The following GNA14 variants were observed in gnomAD, a reference collection of about 807,000 sequenced individuals.
GNA14 encodes G protein subunit alpha 14.
GNA14 carries 50 observed loss-of-function variants against 42.0 expected under a neutral mutation model. The observed-to-expected ratio is 1.19, with a 90% CI of 0.95 to 1.51. GNA14 has a LOEUF of 1.51. Ranked by LOEUF, GNA14 falls within the 40% of genes most tolerant of loss-of-function variation. The pLI, the probability that GNA14 is intolerant of heterozygous loss-of-function variation, is 0.00. For synonymous variants in GNA14, 173 were observed against 163.1 expected (o/e 1.06, Z -0.46); for missense variants, 473 against 446.2 (o/e 1.06, Z -0.54).
intron 1 of GNA14, among the ~76,000 whole-genome samples, chr9:77,638,990 C>T (rs1824219915): frequency 6.6e-6 from 1 of 152,146 alleles, no homozygotes; most frequent in Non-Finnish European, 1.5e-5. Flanking sequence ...ATATTAAATA[C>T]ACCTTAATAT....
chr9:77,469,753 A>G (rs1836296557), intron 2 of GNA14, among the ~76,000 whole-genome samples: 2 of 152,310 alleles, frequency 1.3e-5, no homozygotes, highest in Non-Finnish European at 2.9e-5. Context: ...ACAGAAGGCT[A>G]TAAAGAGACA....
chr9:77,549,002 C>G (rs1380491906), intron 1 of GNA14, among the ~76,000 whole-genome samples: 2 of 151,780 alleles, frequency 1.3e-5, no homozygotes, highest in Non-Finnish European at 2.9e-5. Context: ...TGCAATGGCA[C>G]AATCTAGGCC....
chr9:77,646,410 A>C (rs1289460617), intron 1 of GNA14, among the ~76,000 whole-genome samples: 1 of 151,580 alleles, frequency 6.6e-6, no homozygotes, highest in East Asian at 1.9e-4. Context: ...GGACCTACAG[A>C]CTTCCAGCTC....
intron 2 of GNA14, among the ~76,000 whole-genome samples, chr9:77,469,589 A>G (rs950714488): frequency 1.3e-5 from 2 of 152,074 alleles, no homozygotes; most frequent in Non-Finnish European, 2.9e-5. Flanking sequence ...TTGGGTGGAC[A>G]ACCCTAACTT....
chr9:77,607,002 C>T (rs571745365), intron 1 of GNA14, among the ~76,000 whole-genome samples: 2 of 152,170 alleles, frequency 1.3e-5, no homozygotes, highest in African/African-American at 4.8e-5. Flanking sequence ...CACCAGAACC[C>T]GAATATGGTG....
At chr9:77,435,890 C>A (rs1835632777) in intron 2 of GNA14, among the ~76,000 whole-genome samples, 1 of 152,092 alleles carries the variant, frequency 6.6e-6, no homozygotes, top group Non-Finnish European at 1.5e-5. Flanking sequence ...GGCTCTTATT[C>A]CCCCTCCCAT....
intron 2 of GNA14, among the ~76,000 whole-genome samples, chr9:77,528,302 G>A (rs1431725259): frequency 6.6e-5 from 10 of 151,892 alleles, no homozygotes. Context: ...TTATCATCAT[G>A]TCATGTTGTA....
intron 2 of GNA14, among the ~76,000 whole-genome samples, chr9:77,482,750 A>G (rs1042833542): frequency 1.3e-5 from 2 of 151,944 alleles, no homozygotes; most frequent in Non-Finnish European, 1.5e-5. Context: ...GGCTTTGTTC[A>G]TTTCTTTTTA....
In GNA14 at chr9:77,468,706, C is replaced by T. The variant is rs778458123; in HGVS notation, c.310-34184G>A. Among the ~76,000 whole-genome samples, 86 of 152,202 alleles carry T rather than the reference C, an allele frequency of 5.7e-4. 1 individual carries two copies. Among genetic ancestry groups the T allele is most frequent in the Non-Finnish European group, 1.9e-4 (13 of 68,038 alleles). On this transcript the variant is annotated intron_variant, in intron 2 of 6. Coordinates refer to ENST00000341700, the MANE Select transcript of GNA14 (RefSeq NM_004297.4). Reference sequence around the variant, plus strand: ...TAATTGCTGCTGCGTGCTTCTCTATCTTCTCTTCTCTGTTGCAACAAATCC... The same window carrying T: ...TAATTGCTGCTGCGTGCTTCTCTATTTTCTCTTCTCTGTTGCAACAAATCC...
intron 2 of GNA14, among the ~76,000 whole-genome samples, chr9:77,476,732 GA>G (rs1836431737): frequency 1.3e-5 from 2 of 152,212 alleles, no homozygotes; most frequent in African/African-American, 4.8e-5. Flanking sequence ...GAAAATTTGA[GA>G]AAATGGAAAA....
chr9:77,521,125 T>C (rs1023361074), intron 2 of GNA14, among the ~76,000 whole-genome samples: 2 of 152,242 alleles, frequency 1.3e-5, no homozygotes, highest in African/African-American at 4.8e-5. Flanking sequence ...GAAAAGCTCC[T>C]GCCTAGAATT....
chr9:77,620,286 C>T (rs1823899709), intron 1 of GNA14, among the ~76,000 whole-genome samples: 1 of 152,202 alleles, frequency 6.6e-6, no homozygotes. Flanking sequence ...TCACCATGCA[C>T]ATTAGAAGCC....
chr9:77,496,617 A>C (rs1344313513), intron 2 of GNA14, among the ~76,000 whole-genome samples: 2 of 152,238 alleles, frequency 1.3e-5, no homozygotes, highest in African/African-American at 2.4e-5. Context: ...GGATCTGCCA[A>C]GAAAGAAGCA....
intron 1 of GNA14, among the ~76,000 whole-genome samples, chr9:77,565,934 A>G (rs761393469): frequency 1.3e-5 from 2 of 152,138 alleles, no homozygotes; most frequent in Non-Finnish European, 2.9e-5. Context: ...GTTGTTCTCA[A>G]TGGGATGCTA....
At chr9:77,481,543 G>C (rs1369443140) in intron 2 of GNA14, among the ~76,000 whole-genome samples, 2 of 152,184 alleles carry the variant, frequency 1.3e-5, no homozygotes, top group Admixed American at 6.5e-5. Context: ...GGGGTGGAGA[G>C]TTCTGTAGAT....
At chr9:77,429,508 C>T (rs1352172021) in intron 4 of GNA14, among the ~76,000 whole-genome samples, 1 of 152,204 alleles carries the variant, frequency 6.6e-6, no homozygotes, top group African/African-American at 2.4e-5. Context: ...CTGGATGCCA[C>T]CTCTTGTTCC....
chr9:77,496,488 A>G (rs12684903), intron 2 of GNA14, among the ~76,000 whole-genome samples: 91,102 of 152,058 alleles, frequency 0.6, 28,195 homozygotes, highest in East Asian at 0.84. Context: ...TCTGTAGCCC[A>G]GATATAGGAG....
chr9:77,425,530 C>G, intron 6 of GNA14, 32 bp downstream of exon 6: 1 of 1,553,224 alleles, frequency 6.4e-7, no homozygotes, highest in Non-Finnish European at 8.8e-7. Context: ...GAGATCAGCA[C>G]AGAAAACACT....
intron 2 of GNA14, among the ~76,000 whole-genome samples, chr9:77,500,699 A>G (rs1281566246): frequency 6.6e-6 from 1 of 152,228 alleles, no homozygotes; most frequent in African/African-American, 2.4e-5. Context: ...GAAATCATAT[A>G]GTATGTAACC....
Sources: allele counts gnomAD v4.1 joint callset (sites outside exome capture counted in the v4.1 genomes callset), GRCh38; gene constraint gnomAD v4.1.1; transcripts MANE v1.5; gene names NCBI Gene and HGNC (gene_info 2026-07-23, HGNC 2026-07-21).